NBDY: variants seen among roughly 807,000 people sequenced by gnomAD.
The protein encoded by NBDY is negative regulator of P-body association.
chrX:56,755,415 A>C (rs1352107073), intron 2 of NBDY, among the ~76,000 whole-genome samples: 1 of 112,264 alleles, frequency 8.9e-6, no homozygotes. Flanking sequence ...AATATCCAGA[A>C]TCTACAATGA....
chrX:56,783,830 AAC>A (rs1259500211), intron 2 of NBDY, among the ~76,000 whole-genome samples: 2 of 112,662 alleles, frequency 1.8e-5, no homozygotes, highest in African/African-American at 3.2e-5. Context: ...ATAAAACAAA[AAC>A]ACACACACAA....
At chrX:56,757,232 A>C (rs994963429) in intron 2 of NBDY, among the ~76,000 whole-genome samples, 4 of 112,221 alleles carry the variant, frequency 3.6e-5, no homozygotes, top group African/African-American at 1.3e-4. Flanking sequence ...TCCTTATATT[A>C]GATTTTTCTG....
intron 2 of NBDY, among the ~76,000 whole-genome samples, chrX:56,747,027 G>A (rs917707064): frequency 8.9e-6 from 1 of 111,902 alleles, no homozygotes; most frequent in African/African-American, 3.2e-5. Flanking sequence ...ATGGATTCTT[G>A]TAATTGTGGT....
intron 2 of NBDY, among the ~76,000 whole-genome samples, chrX:56,811,349 C>A (rs979244570): frequency 1.8e-5 from 2 of 111,944 alleles, no homozygotes; most frequent in African/African-American, 6.5e-5. Flanking sequence ...TGAAGCTGCA[C>A]CCCCAACTGT....
chrX:56,756,529 T>TA (rs1169819658), intron 2 of NBDY, among the ~76,000 whole-genome samples: 1 of 110,261 alleles, frequency 9.1e-6, no homozygotes, highest in East Asian at 2.8e-4. Flanking sequence ...GATCAGGTTA[T>TA]AAAAAAAGAG....
chrX:56,747,061 A>T (rs960604954), intron 2 of NBDY, among the ~76,000 whole-genome samples: 15 of 111,808 alleles, frequency 1.3e-4, no homozygotes, highest in Non-Finnish European at 2.6e-4. Context: ...GGTGGCCATC[A>T]TTTTGCCTAC....
rs763435096 is a variant in NBDY at position 56,781,145 on chromosome X, G to A, written c.*167-36175G>A. ...GTTTTTACCTTTGAACATCAATCAC[G>A]TCTGAACTATATCCTGTCTTCATCT... is the stretch of plus-strand genomic sequence containing the variant. On this transcript the variant is annotated intron_variant, in intron 2 of 2. Transcript: ENST00000374922. 9.9e-5 allele frequency among the ~76,000 whole-genome samples: 11 copies of A among 111,225 alleles called. No individual in the cohort carries two copies. In the South Asian group the frequency reaches 3.8e-3, roughly 39 times the overall value.
chrX:56,734,055 A>G (rs1272550192), intron 2 of NBDY, among the ~76,000 whole-genome samples: 1 of 112,504 alleles, frequency 8.9e-6, no homozygotes, highest in Non-Finnish European at 1.9e-5. Context: ...AAATAGCTAA[A>G]TGAAATCATT....
At chrX:56,740,466 A>T (rs2069526369) in intron 2 of NBDY, among the ~76,000 whole-genome samples, 1 of 111,628 alleles carries the variant, frequency 9.0e-6, no homozygotes, top group African/African-American at 3.2e-5. Context: ...TGTTCTGTTC[A>T]TTAAATTTAA....
At chrX:56,787,486 G>A (rs1276424744) in intron 2 of NBDY, among the ~76,000 whole-genome samples, 1 of 111,594 alleles carries the variant, frequency 9.0e-6, no homozygotes, top group Non-Finnish European at 1.9e-5. Flanking sequence ...CTGGCTGCAG[G>A]TGTGGGTCAT....
At chrX:56,796,480 A>G (rs760328656) in intron 2 of NBDY, among the ~76,000 whole-genome samples, 1 of 112,050 alleles carries the variant, frequency 8.9e-6, no homozygotes, top group East Asian at 2.8e-4. Flanking sequence ...GTCAGGGTCA[A>G]CTGGGCTAGG....
intron 2 of NBDY, among the ~76,000 whole-genome samples, chrX:56,764,267 C>G (rs1245454905): frequency 2.7e-5 from 3 of 112,293 alleles, no homozygotes; most frequent in Non-Finnish European, 3.8e-5. Flanking sequence ...GTGGCTCCAG[C>G]CAAGGGAACC....
At chrX:56,800,417 C>G (rs1454057468) in intron 2 of NBDY, among the ~76,000 whole-genome samples, 1 of 111,285 alleles carries the variant, frequency 9.0e-6, no homozygotes, top group Non-Finnish European at 1.9e-5. Flanking sequence ...TCTGGCTTCC[C>G]AGTATTTGCT....
intron 2 of NBDY, among the ~76,000 whole-genome samples, chrX:56,745,024 A>G (rs2069549834): frequency 9.0e-6 from 1 of 111,334 alleles, no homozygotes; most frequent in South Asian, 3.8e-4. Flanking sequence ...TCTTTAGCAT[A>G]TGTGAACTGC....
intron 2 of NBDY, among the ~76,000 whole-genome samples, chrX:56,784,045 G>C (rs2069713075): frequency 9.0e-6 from 1 of 111,584 alleles, no homozygotes. Context: ...TATGGCTGTG[G>C]CATGGTGGGG....
intron 2 of NBDY, among the ~76,000 whole-genome samples, chrX:56,788,422 G>C (rs991239836): frequency 4.2e-4 from 47 of 112,572 alleles, no homozygotes; most frequent in African/African-American, 1.5e-3. Context: ...TGGTGGCATG[G>C]GGCCCCCAGA....
intron 2 of NBDY, among the ~76,000 whole-genome samples, chrX:56,746,198 GT>G (rs1006262384): frequency 1.5e-4 from 16 of 107,438 alleles, no homozygotes; most frequent in Middle Eastern, 4.9e-3. Flanking sequence ...AGGGAATAAA[GT>G]TTTTTTTTTC....
intron 2 of NBDY, among the ~76,000 whole-genome samples, chrX:56,740,715 T>C (rs931196027): frequency 4.5e-5 from 5 of 111,287 alleles, no homozygotes; most frequent in Non-Finnish European, 9.5e-5. Context: ...TTTTGTTTGC[T>C]GGGTCTTTTT....
chrX:56,757,770 G>C (rs1485368043), intron 2 of NBDY, among the ~76,000 whole-genome samples: 3 of 111,324 alleles, frequency 2.7e-5, no homozygotes, highest in Non-Finnish European at 5.7e-5. Flanking sequence ...CATTGGGGCT[G>C]TAGCATGGTG....
Sources: allele counts gnomAD v4.1 joint callset (sites outside exome capture counted in the v4.1 genomes callset), GRCh38; gene constraint gnomAD v4.1.1; transcripts MANE v1.5; gene names NCBI Gene and HGNC (gene_info 2026-07-23, HGNC 2026-07-21).